Variants in NKAIN3 observed in about 807,000 individuals in gnomAD.
NKAIN3 encodes the protein sodium/potassium-transporting ATPase subunit beta-1-interacting protein 3.
In NKAIN3, 25 loss-of-function variants were observed where a neutral mutation model predicts 30.2. That is an observed-to-expected ratio of 0.83 (90% CI 0.60 to 1.16). The LOEUF is 1.16. Ranked by LOEUF, NKAIN3 falls within the 50% of genes most tolerant of loss-of-function variation. The pLI is 0.00. For missense variants in NKAIN3, 225 were observed against 254.1 expected, an observed-to-expected ratio of 0.89 and a Z score of 0.78; for synonymous variants, 91 against 89.6, an observed-to-expected ratio of 1.02 and a Z score of -0.09.
At chr8:62,719,958 C>T (rs1422975539) in intron 3 of NKAIN3, among the ~76,000 whole-genome samples, 1 of 151,864 alleles carries the variant, frequency 6.6e-6, no homozygotes, top group Non-Finnish European at 1.5e-5. Context: ...GAGGTTTCAC[C>T]GTGTTAGACA....
At chr8:62,486,858 G>A (rs921277717) in intron 1 of NKAIN3, among the ~76,000 whole-genome samples, 1 of 152,172 alleles carries the variant, frequency 6.6e-6, no homozygotes, top group African/African-American at 2.4e-5. Context: ...GAAGTCTGAG[G>A]GGGTGGCATT....
chr8:62,980,925 C>T lies in NKAIN3; in HGVS notation c.*15518C>T, dbSNP rs1318005233. 2 of 152,178 alleles carry T rather than the reference C, an allele frequency of 1.3e-5. No individual in the cohort carries two copies. Among genetic ancestry groups the T allele is most frequent in the Non-Finnish European group, 2.9e-5 (2 of 68,042 alleles). 9.4% of individuals were successfully genotyped at this position (152,178 alleles called of 1,614,324 possible). A position where few individuals can be genotyped will look rare whatever the true frequency, so the allele number is the denominator to read the frequency against. On this transcript the variant is annotated 3_prime_UTR_variant, in exon 7 of 7. Coordinates refer to ENST00000623646, the MANE Select transcript of NKAIN3 (RefSeq NM_001304533.3). ...ACAGAGAAAGCCATTGAATATGGAA[C>T]TCAAATTATCTAAGGTTTACCCAGA...
chr8:62,870,256 A>AGATATAGATATCTATAGATATCTATATC (rs1820571912), intron 4 of NKAIN3, among the ~76,000 whole-genome samples: 1 of 45,600 alleles, frequency 2.2e-5, no homozygotes, highest in Non-Finnish European at 4.5e-5. Flanking sequence ...ATATCTATAT[A>AGATATAGATATCTATAGATATCTATATC]TATATCTATA....
At chr8:62,513,999 G>A (rs1207346859) in intron 1 of NKAIN3, among the ~76,000 whole-genome samples, 1 of 152,034 alleles carries the variant, frequency 6.6e-6, no homozygotes, top group African/African-American at 2.4e-5. Flanking sequence ...AGACAAATGT[G>A]CATCGGTGTG....
chr8:62,838,909 G>C (rs2130756611), intron 4 of NKAIN3, among the ~76,000 whole-genome samples: 1 of 152,090 alleles, frequency 6.6e-6, no homozygotes, highest in South Asian at 2.1e-4. Context: ...TTTAGCTTTG[G>C]ATAACTCGGG....
At chr8:62,719,671 A>G (rs1183692596) in intron 3 of NKAIN3, among the ~76,000 whole-genome samples, 1 of 152,094 alleles carries the variant, frequency 6.6e-6, no homozygotes, top group Non-Finnish European at 1.5e-5. Context: ...CCTGACAGGT[A>G]AGTCATAACT....
intron 1 of NKAIN3, among the ~76,000 whole-genome samples, chr8:62,354,578 G>A (rs555916578): frequency 5.4e-4 from 82 of 152,142 alleles, no homozygotes; most frequent in African/African-American, 1.9e-3. Context: ...TGAGTAGCTG[G>A]GACTACAGGC....
intron 1 of NKAIN3, among the ~76,000 whole-genome samples, chr8:62,519,802 C>T (rs149546714): frequency 1.7e-3 from 256 of 152,194 alleles, no homozygotes; most frequent in Non-Finnish European, 2.1e-4. Context: ...TTCAGATTGC[C>T]GGGGCATCTT....
At chr8:62,297,925 A>G (rs1585649892) in intron 1 of NKAIN3, among the ~76,000 whole-genome samples, 1 of 152,198 alleles carries the variant, frequency 6.6e-6, no homozygotes, top group Non-Finnish European at 1.5e-5. Context: ...AACCAACCCA[A>G]ATGTCCAACA....
chr8:62,834,778 A>G (rs1045023190), intron 4 of NKAIN3, among the ~76,000 whole-genome samples: 1 of 152,086 alleles, frequency 6.6e-6, no homozygotes, highest in Non-Finnish European at 1.5e-5. Context: ...AATAGATTCA[A>G]TGTTATTCCT....
rs199780687 is a variant in NKAIN3 at position 62,668,111 on chromosome 8, T to C, written c.273+78317T>C. 7.4e-5 allele frequency among the ~76,000 whole-genome samples: 11 copies of C among 149,124 alleles called. No individual in the cohort carries two copies. In the East Asian group the frequency reaches 8.0e-4, roughly 11 times the overall value. On this transcript the variant is annotated intron_variant, in intron 3 of 6. Coordinates refer to ENST00000623646, the MANE Select transcript of NKAIN3 (RefSeq NM_001304533.3). The stretch of plus-strand genomic sequence containing the variant: ...TCACACACACATACACACACACACA[T>C]ACACACACACACACACACACAGTCA...
chr8:62,500,528 G>T (rs554980382), intron 1 of NKAIN3, among the ~76,000 whole-genome samples: 17 of 148,532 alleles, frequency 1.1e-4, no homozygotes, highest in South Asian at 1.1e-3. Flanking sequence ...AAAGAGTGAG[G>T]GAGGGAGGGA....
intron 1 of NKAIN3, among the ~76,000 whole-genome samples, chr8:62,576,608 G>C (rs1007680635): frequency 1.4e-4 from 21 of 152,068 alleles, no homozygotes; most frequent in African/African-American, 4.8e-4. Flanking sequence ...ATTTAACATA[G>C]GTTCTCGAAA....
chr8:62,688,160 T>G (rs1813854059), intron 3 of NKAIN3, among the ~76,000 whole-genome samples: 1 of 152,194 alleles, frequency 6.6e-6, no homozygotes, highest in Non-Finnish European at 1.5e-5. Context: ...GAGAGTGCAT[T>G]CCTTCAAGAA....
intron 5 of NKAIN3, chr8:62,990,232 A>G: frequency 6.5e-7 from 1 of 1,549,200 alleles, no homozygotes; most frequent in South Asian, 1.2e-5. Flanking sequence ...TTGAATAAGC[A>G]AGAATTAGTA....
At chr8:62,445,073 G>A (rs776393747) in intron 1 of NKAIN3, among the ~76,000 whole-genome samples, 5 of 151,980 alleles carry the variant, frequency 3.3e-5, no homozygotes, top group Middle Eastern at 6.3e-3. Context: ...AGCCTCCCAA[G>A]TAGCTAGGAC....
At chr8:62,403,618 G>A (rs954757155) in intron 1 of NKAIN3, among the ~76,000 whole-genome samples, 1 of 152,228 alleles carries the variant, frequency 6.6e-6, no homozygotes, top group African/African-American at 2.4e-5. Context: ...TCCTGAGGGT[G>A]CACAGAAGAC....
rs146125478 is a variant in NKAIN3 at position 62,425,729 on chromosome 8, A to T, written c.55-153810A>T. On this transcript the variant is annotated intron_variant, in intron 1 of 6. Coordinates refer to ENST00000623646, the MANE Select transcript of NKAIN3 (RefSeq NM_001304533.3). ...GAAAAATTATTTTTTAAAGAATGAT[A>T]AATTGATGCAGTGGTTATCTTAGAA... is the stretch of plus-strand genomic sequence containing the variant. Among the ~76,000 whole-genome samples, 10 of 152,074 alleles carry T rather than the reference A, an allele frequency of 6.6e-5. No homozygotes were observed. The East Asian group carries it at 1.9e-3, about 29-fold the overall frequency.
intron 6 of NKAIN3, among the ~76,000 whole-genome samples, chr8:62,960,998 G>A (rs1336559454): frequency 6.6e-6 from 1 of 152,176 alleles, no homozygotes; most frequent in African/African-American, 2.4e-5. Context: ...GGGACAACCA[G>A]GCCGGGCATG....
Sources: gnomAD v4.1 joint callset for allele counts (sites outside exome capture counted in the v4.1 genomes callset) on GRCh38, gnomAD v4.1.1 for gene constraint, MANE v1.5 for transcripts, NCBI Gene and HGNC (gene_info 2026-07-23, HGNC 2026-07-21) for gene names.